Variants in MDM1 observed in about 807,000 individuals in gnomAD.
MDM1 encodes stabilizer of axonemal microtubules 6, also known as Mdm1 nuclear protein.
MDM1 carries 61 observed loss-of-function variants against 89.1 expected under a neutral mutation model. The ratio of observed to expected loss-of-function variants is 0.68; its 90% confidence interval spans 0.56 to 0.85. The LOEUF (loss-of-function observed/expected upper bound fraction) is 0.85. MDM1 is among the 40% of genes least tolerant of loss of function. The pLI is 0.00. For missense variants in MDM1, 820 were observed against 846.5 expected, an observed-to-expected ratio of 0.97 and a Z score of 0.39; for synonymous variants, 290 against 294.1, an observed-to-expected ratio of 0.99 and a Z score of 0.14.
chr12:68,313,752 A>C lies in MDM1; in HGVS notation c.1531T>G (p.Ser511Ala), dbSNP rs1454485256. 2 of 1,606,222 alleles carry C rather than the reference A, an allele frequency of 1.2e-6. No individual in the cohort carries two copies. Among genetic ancestry groups the C allele is most frequent in the South Asian group, 2.2e-5 (2 of 90,746 alleles). Residue 511 changes from serine to alanine, a missense_variant and splice_region_variant, in exon 11 of 15, where the codon TCA (serine) becomes GCA (alanine). Physicochemically the swap from Ser to Ala is moderately conservative, Grantham distance 99. Transcript: ENST00000682720. Reference sequence around the variant, plus strand: ...TTTTCTGAGGATACAGAAGAATCTGACCTATAAATTGAAACAATCTATGAA... The same window carrying C: ...TTTTCTGAGGATACAGAAGAATCTGCCCTATAAATTGAAACAATCTATGAA... ...KSKADKMKEG[S>A]DSSVSSEKGG...
Position 68,310,364 on chromosome 12 carries a change from A to G in MDM1, c.1749+3079T>C, listed in dbSNP as rs181699807. Among the ~76,000 whole-genome samples the G allele has an allele frequency of 9.3e-4, 141 of 152,378 alleles. 1 individual carries two copies. The highest frequency in any genetic ancestry group is 6.8e-3 in the Middle Eastern group (2 of 294). On this transcript the variant is annotated intron_variant, in intron 12 of 14. Coordinates refer to ENST00000682720, the MANE Select transcript of MDM1 (RefSeq NM_001354969.2). ...AATGGCATTAACATTCTAAGGGATG[A>G]TATTACTCTATTTAGATTATTCAAT...
chr12:68,309,856 T>C (rs1873445337), intron 12 of MDM1, among the ~76,000 whole-genome samples: 1 of 152,242 alleles, frequency 6.6e-6, no homozygotes, highest in Admixed American at 6.5e-5. Context: ...CACTGGGAAA[T>C]AACCAAATCT....
chr12:68,297,786 G>A (rs948282750), intron 13 of MDM1, among the ~76,000 whole-genome samples: 1 of 152,106 alleles, frequency 6.6e-6, no homozygotes, highest in Non-Finnish European at 1.5e-5. Context: ...CCTCTTCAAA[G>A]AGATAAAACA....
At position 68,323,189 on chromosome 12, in the gene MDM1, T is replaced by C. The variant is rs2121100482; in HGVS notation, c.685A>G (p.Ile229Val). 2 of 1,609,542 alleles carry C rather than the reference T, an allele frequency of 1.2e-6. No individual in the cohort carries two copies. Among genetic ancestry groups the C allele is most frequent in the East Asian group, 2.2e-5 (1 of 44,616 alleles). Residue 229 changes from isoleucine (I) to valine (V), a missense_variant, in exon 5 of 15, where the codon ATC becomes GTC. Ile to Val is a conservative substitution (Grantham distance 29). Transcript: ENST00000682720. Reference protein sequence around the residue: ...FVPPFKGNSVIHETEYKRNFK... With the variant: ...FVPPFKGNSVVHETEYKRNFK... ...TTTCTTTTGTATTCAGTTTCATGGA[T>C]GACTGAGTTACCTTTGAATGGTGGA...
chr12:68,312,407 A>G (rs896770582), intron 12 of MDM1, among the ~76,000 whole-genome samples: 11 of 151,990 alleles, frequency 7.2e-5, no homozygotes, highest in Non-Finnish European at 1.6e-4. Context: ...TCTTTCTCCC[A>G]CCCCAGATCT....
intron 7 of MDM1, 120 bp from the exon 8 acceptor site, chr12:68,316,730 A>AT: frequency 1.2e-6 from 1 of 813,472 alleles, no homozygotes; most frequent in African/African-American, 1.7e-5. Flanking sequence ...GTCAATCAAT[A>AT]TTTCTTGGGA....
chr12:68,319,225 T>C (rs1278265887), intron 7 of MDM1, among the ~76,000 whole-genome samples: 1 of 152,198 alleles, frequency 6.6e-6, no homozygotes, highest in Non-Finnish European at 1.5e-5. Context: ...AAGTGGTTAT[T>C]ATAATGGAGA....
intron 12 of MDM1, among the ~76,000 whole-genome samples, chr12:68,307,985 GA>G (rs1873143891): frequency 7.2e-6 from 1 of 139,426 alleles, no homozygotes. Flanking sequence ...AAAAAAAAAA[GA>G]ATAACATCTA....
At chr12:68,327,520 A>C in intron 2 of MDM1, 2 of 1,533,962 alleles carry the variant, frequency 1.3e-6, no homozygotes, top group South Asian at 2.4e-5. Flanking sequence ...CCTGAGAATT[A>C]AAAAAGAATA....
chr12:68,313,399 A>C lies in MDM1; in HGVS notation c.1749+44T>G, dbSNP rs1160033715. On this transcript the variant is annotated intron_variant, in intron 12 of 14. Transcript: ENST00000682720. ...TTCATTTATTACATGTGTCTACAAT[A>C]ATTAGTCCTAGATGAGATGCTTTTT... 3.1e-6 allele frequency: 4 copies of C among 1,306,426 alleles called. No homozygotes were observed. The Admixed American group carries it at 7.0e-5, about 23-fold the overall frequency. The allele number at this position is 1,306,426 out of a possible 1,614,324, so 80.9% of individuals were successfully genotyped here.
In MDM1 at chr12:68,332,210, C is replaced by T. The variant is rs1876938876; in HGVS notation, c.18+18G>A. Reference sequence around the variant, plus strand: ...GGCTCCCCCCAGCCACATTCCGGCCCGGGGACCCCAGCCTCACCTTGAAGC... The same window carrying T: ...GGCTCCCCCCAGCCACATTCCGGCCTGGGGACCCCAGCCTCACCTTGAAGC... On this transcript the variant is annotated intron_variant, in intron 1 of 14. Transcript: ENST00000682720. 1 of 1,555,612 alleles carries T rather than the reference C, an allele frequency of 6.4e-7. No individual in the cohort carries two copies.
At chr12:68,320,650 T>A (rs1161363104) in intron 7 of MDM1, among the ~76,000 whole-genome samples, 1 of 152,180 alleles carries the variant, frequency 6.6e-6, no homozygotes, top group Admixed American at 6.5e-5. Flanking sequence ...CAGGGGGAAG[T>A]GGGATGTTTA....
intron 13 of MDM1, among the ~76,000 whole-genome samples, chr12:68,302,192 G>A (rs761993731): frequency 3.9e-5 from 6 of 152,178 alleles, no homozygotes; most frequent in Non-Finnish European, 8.8e-5. Context: ...AGAATAAAAG[G>A]AGCATCTGAC....
rs1322159237 is a variant in MDM1, at chr12:68,301,918, T to A, written c.2002+702A>T. ...GTCTCAAATTCCTGGCCTCAAATGA[T>A]CTGCCTGCCTTGGCCTCCCAAAGTG... On this transcript the variant is annotated intron_variant, in intron 13 of 14. Transcript: ENST00000682720. Among the ~76,000 whole-genome samples the A allele has an allele frequency of 3.3e-5, 5 of 152,136 alleles. 1 individual carries two copies. The highest frequency in any genetic ancestry group is 3.3e-4 in the Admixed American group (5 of 15,270).
chr12:68,330,980 C>A (rs1263001217), intron 2 of MDM1, 127 bp downstream of exon 2: 5 of 646,802 alleles, frequency 7.7e-6, no homozygotes, highest in African/African-American at 7.2e-5. Flanking sequence ...ATCAACCAGG[C>A]CAACTGAACT....
chr12:68,295,931 A>G (rs1871315284), intron 14 of MDM1, among the ~76,000 whole-genome samples: 1 of 152,232 alleles, frequency 6.6e-6, no homozygotes, highest in South Asian at 2.1e-4. Flanking sequence ...TTAGAAAGAA[A>G]AAAGGACTGG....
rs762679208 is a variant in MDM1 at position 68,325,445 on chromosome 12, T to C, written c.629A>G (p.Asn210Ser). The change falls in exon 4 of 15, where the codon AAT becomes AGT. Residue 210 changes from asparagine to serine, a missense_variant. By Grantham distance (46) the Asn-to-Ser change is conservative. Transcript: ENST00000682720. Reference sequence around the variant, plus strand: ...GTATTACATCCATTAAGCTACCTGATTGGCTGCAAAAGCTGGAGCAGTTTC... The same window carrying C: ...GTATTACATCCATTAAGCTACCTGACTGGCTGCAAAAGCTGGAGCAGTTTC... ...SKETAPAFAA[N>S]QVFHNKSQFV... is the part of the protein sequence containing the mutation. 5.1e-6 allele frequency: 8 copies of C among 1,570,848 alleles called. No individual in the cohort carries two copies. The highest frequency in any genetic ancestry group is 3.8e-5 in the Admixed American group (2 of 52,856).
In MDM1 at chr12:68,326,640, G is replaced by A; in HGVS notation, c.498+17C>T. ...GAATTCTATGCTTTTGAAAAGAAAT[G>A]CAGTGAATATGCCTACCCCATTATC... On this transcript the variant is annotated intron_variant, in intron 3 of 14. Transcript: ENST00000682720. The A allele has an allele frequency of 1.2e-6, 2 of 1,614,102 alleles. No individual in the cohort carries two copies. The highest frequency in any genetic ancestry group is 1.7e-6 in the Non-Finnish European group (2 of 1,179,964).
chr12:68,325,335 C>G, intron 4 of MDM1, 106 bp downstream of exon 4: 1 of 1,377,868 alleles, frequency 7.3e-7, no homozygotes, highest in Non-Finnish European at 9.4e-7. Context: ...GAACCTACCT[C>G]CAGGCTACTT....
Sources: allele counts gnomAD v4.1 joint callset (sites outside exome capture counted in the v4.1 genomes callset), GRCh38; gene constraint gnomAD v4.1.1; transcripts MANE v1.5; gene names NCBI Gene and HGNC (gene_info 2026-07-23, HGNC 2026-07-21).